The following CELF2 variants were observed in gnomAD, a reference collection of about 807,000 sequenced individuals.
CELF2 encodes CUG triplet repeat RNA-binding protein 2.
Under a neutral mutation model 62.6 loss-of-function variants are expected in CELF2, and 8 were observed. The ratio of observed to expected loss-of-function variants is 0.13; its 90% CI spans 0.07 to 0.23. The LOEUF (loss-of-function observed/expected upper bound fraction) is 0.23, where lower values mean the gene tolerates loss of function less well. Ranked by LOEUF, CELF2 falls within the 10% of genes least tolerant of loss-of-function variation. The pLI is 1.00. For synonymous variants in CELF2, 258 were observed against 250.0 expected, an observed-to-expected ratio of 1.03 and a Z score of -0.30; for missense variants, 333 against 671.0, an observed-to-expected ratio of 0.50 and a Z score of 5.56.
At chr10:10,690,590 C>T in the CELF2 span, among the ~76,000 whole-genome samples, 1 of 152,102 alleles carries the variant, frequency 6.6e-6, no homozygotes, top group Admixed American at 6.5e-5. Context: ...TGCAAAATAC[C>T]AGCTCATGGT....
chr10:10,508,702 G>A, the CELF2 span, among the ~76,000 whole-genome samples: 2,127 of 35,366 alleles, frequency 0.06, 51 homozygotes, highest in African/African-American at 0.13. Context: ...GTGTGTGTGT[G>A]TGTATATTTT....
At chr10:11,144,882 A>G (rs2061968838) in intron 1 of CELF2, among the ~76,000 whole-genome samples, 1 of 126,104 alleles carries the variant, frequency 7.9e-6, no homozygotes, top group Non-Finnish European at 1.6e-5. Flanking sequence ...ACAGAGGGAG[A>G]CCCTGTCTCA....
chr10:10,503,342 T>C, the CELF2 span, among the ~76,000 whole-genome samples: 3 of 152,106 alleles, frequency 2.0e-5, no homozygotes, highest in Non-Finnish European at 2.9e-5. Flanking sequence ...TCTATAACTC[T>C]AATTGCGAAT....
At chr10:10,759,397 C>A in the CELF2 span, among the ~76,000 whole-genome samples, 1 of 149,554 alleles carries the variant, frequency 6.7e-6, no homozygotes, top group South Asian at 2.1e-4. Flanking sequence ...GCAACCTCTG[C>A]CTCTGGGGTT....
chr10:11,316,079 A>G lies in CELF2; in HGVS notation c.1096+1821A>G, dbSNP rs1177987378. Among the ~76,000 whole-genome samples the G allele has an allele frequency of 2.6e-5, 4 of 152,188 alleles. No individual in the cohort carries two copies. Among genetic ancestry groups the G allele is most frequent in the African/African-American group, 9.7e-5 (4 of 41,434 alleles). ...CTGAGATTTTCCCATCGTTCTCGTC[A>G]GGGACTGGAGAGGGGCTGTGTTGAA... On this transcript the variant is annotated intron_variant, in intron 10 of 12. Coordinates refer to ENST00000633077, the MANE Select transcript of CELF2 (RefSeq NM_001326342.2). The surrounding 1 kb of genome is among the most constrained non-coding windows in gnomAD (Gnocchi z 4.4).
the CELF2 span, among the ~76,000 whole-genome samples, chr10:10,536,829 C>T: frequency 7.9e-5 from 12 of 152,126 alleles, no homozygotes; most frequent in East Asian, 1.9e-4. Flanking sequence ...TGAAGCAGCT[C>T]GGGCTGGAGG....
chr10:11,120,828 G>A (rs902307870), intron 1 of CELF2, among the ~76,000 whole-genome samples: 2 of 152,140 alleles, frequency 1.3e-5, no homozygotes, highest in East Asian at 1.9e-4. Context: ...TGAGACTTAC[G>A]GCAGCACTAC....
intron 1 of CELF2, among the ~76,000 whole-genome samples, chr10:11,063,139 T>C (rs2067228222): frequency 6.6e-6 from 1 of 152,234 alleles, no homozygotes; most frequent in Admixed American, 6.5e-5. Context: ...GTAAACATGA[T>C]TTCTGTATGC....
At chr10:10,871,224 CT>C (rs1425201291) in intron 1 of CELF2, among the ~76,000 whole-genome samples, 1 of 152,138 alleles carries the variant, frequency 6.6e-6, no homozygotes, top group African/African-American at 2.4e-5. Flanking sequence ...TTCTTTTTAG[CT>C]TTGTTCTGTT....
In CELF2 at chr10:11,049,047, A is replaced by G. The variant is rs536079416; in HGVS notation, c.74+30884A>G. ...AGTGGGATCTTGGGTGTAACCTATTACCATGAGAAATTGGCAAGAAGGAAA... is the reference window on the plus strand; with the variant it reads ...AGTGGGATCTTGGGTGTAACCTATTGCCATGAGAAATTGGCAAGAAGGAAA... On this transcript the variant is annotated intron_variant, in intron 1 of 12. Coordinates refer to ENST00000633077, the MANE Select transcript of CELF2 (RefSeq NM_001326342.2). Among the ~76,000 whole-genome samples, 4 of 152,092 alleles carry G rather than the reference A, an allele frequency of 2.6e-5. No individual in the cohort carries two copies. In the South Asian group the frequency reaches 8.3e-4, roughly 32 times the overall value.
chr10:10,865,599 G>A (rs1387680561), intron 1 of CELF2, among the ~76,000 whole-genome samples: 1 of 152,110 alleles, frequency 6.6e-6, no homozygotes, highest in African/African-American at 2.4e-5. Context: ...ATTATACTAA[G>A]TAACAGCTTC....
the CELF2 span, among the ~76,000 whole-genome samples, chr10:10,585,175 A>C: frequency 6.6e-6 from 1 of 152,216 alleles, no homozygotes; most frequent in Non-Finnish European, 1.5e-5. Context: ...TAATCAATTC[A>C]TACGAGGTTT....
At chr10:11,201,688 T>C (rs1336367689) in intron 2 of CELF2, among the ~76,000 whole-genome samples, 1 of 152,200 alleles carries the variant, frequency 6.6e-6, no homozygotes, top group Non-Finnish European at 1.5e-5. Context: ...CTTTGCTGTG[T>C]TGTTTCCCAG....
Position 11,165,744 on chromosome 10 carries a change from G to A in CELF2, c.271+62G>A. On this transcript the variant is annotated intron_variant, in intron 2 of 12. Coordinates refer to ENST00000633077, the MANE Select transcript of CELF2 (RefSeq NM_001326342.2). This position sits in a 1 kb window ranked among gnomAD's most constrained non-coding sequence, Gnocchi z 7.4. ...GTGGGCGTCGCGGGGCACTGGGGCT[G>A]TCCGAGCCCCCAGCCTGCAGGAGGA... 6.9e-7 allele frequency: 1 copy of A among 1,457,388 alleles called. No homozygotes were observed. The highest frequency in any genetic ancestry group is 9.3e-7 in the Non-Finnish European group (1 of 1,078,360). The allele number at this position is 1,457,388 out of a possible 1,614,324, so 90.3% of individuals were successfully genotyped here.
rs570613902 is a variant in CELF2 at position 11,327,170 on chromosome 10, G to A, written c.1438+1191G>A. Among the ~76,000 whole-genome samples, 3 of 135,518 alleles carry A rather than the reference G, an allele frequency of 2.2e-5. No homozygotes were observed. The South Asian group carries it at 7.9e-4, about 36-fold the overall frequency. 88.9% of individuals were successfully genotyped at this position (135,518 alleles called of 152,430 possible). A position where few individuals can be genotyped will look rare whatever the true frequency, so the allele number is the denominator to read the frequency against. On this transcript the variant is annotated intron_variant, in intron 12 of 12. Transcript: ENST00000633077. Reference sequence around the variant, plus strand: ...AACCCGTGTGACAGTTCAGTAGAGAGGGATATGCAAATTAAATCATTATGG... The same window carrying A: ...AACCCGTGTGACAGTTCAGTAGAGAAGGATATGCAAATTAAATCATTATGG...
At chr10:10,488,387 A>C in the CELF2 span, among the ~76,000 whole-genome samples, 1 of 152,136 alleles carries the variant, frequency 6.6e-6, no homozygotes, top group Non-Finnish European at 1.5e-5. Context: ...CCTCATCTGC[A>C]ACAAAGAAGC....
intron 1 of CELF2, among the ~76,000 whole-genome samples, chr10:11,025,479 C>T (rs2059047075): frequency 6.6e-6 from 1 of 152,112 alleles, no homozygotes; most frequent in Non-Finnish European, 1.5e-5. Flanking sequence ...TCAACGCTTT[C>T]CCTTCTTGCC....
chr10:10,976,918 C>T (rs2051409768), intron 2 of CELF2, among the ~76,000 whole-genome samples: 1 of 152,154 alleles, frequency 6.6e-6, no homozygotes, highest in Non-Finnish European at 1.5e-5. Context: ...CCTTCTTCTG[C>T]CTAAACGGCT....
At chr10:10,476,373 A>C in the CELF2 span, among the ~76,000 whole-genome samples, 1 of 152,128 alleles carries the variant, frequency 6.6e-6, no homozygotes, top group Non-Finnish European at 1.5e-5. Context: ...GGCTACTTGA[A>C]TTTCAAGGCT....
Sources: allele counts gnomAD v4.1 joint callset (sites outside exome capture counted in the v4.1 genomes callset), GRCh38; gene constraint gnomAD v4.1.1; non-coding constraint Gnocchi (gnomAD v3.1); transcripts MANE v1.5; gene names NCBI Gene and HGNC (gene_info 2026-07-23, HGNC 2026-07-21).